Variants in MAD1L1 observed in about 807,000 individuals in gnomAD.
MAD1L1 encodes mitotic spindle assembly checkpoint protein MAD1.
MAD1L1 carries 95 observed loss-of-function variants against 96.9 expected under a neutral mutation model. The observed-to-expected ratio is 0.98, with a 90% CI of 0.83 to 1.16. MAD1L1 has a LOEUF of 1.16. MAD1L1 is among the 50% of genes most tolerant of loss of function. The pLI, the probability that MAD1L1 is intolerant of heterozygous loss-of-function variation, is 0.00. For missense variants in MAD1L1, 1,007 were observed against 954.4 expected (o/e 1.06, Z -0.73); for synonymous variants, 473 against 396.6 (o/e 1.19, Z -2.29).
At chr7:2,042,915 C>A (rs1783755093) in intron 12 of MAD1L1, among the ~76,000 whole-genome samples, 2 of 151,288 alleles carry the variant, frequency 1.3e-5, no homozygotes, top group African/African-American at 2.4e-5. Context: ...ACATCCACGT[C>A]CACGTCCACA....
At chr7:1,971,320 A>AGC (rs1780395848) in intron 15 of MAD1L1, among the ~76,000 whole-genome samples, 1 of 152,232 alleles carries the variant, frequency 6.6e-6, no homozygotes, top group African/African-American at 2.4e-5. Flanking sequence ...TACAGGCTAC[A>AGC]GTTGGTCTTT....
intron 12 of MAD1L1, among the ~76,000 whole-genome samples, chr7:2,062,205 G>A (rs1486219450): frequency 6.8e-6 from 1 of 147,102 alleles, no homozygotes; most frequent in Non-Finnish European, 1.5e-5. Context: ...TCGCGCCACT[G>A]CACTCCAGCC....
At chr7:1,872,966 C>T (rs558188390) in intron 18 of MAD1L1, among the ~76,000 whole-genome samples, 7 of 152,284 alleles carry the variant, frequency 4.6e-5, no homozygotes, top group Admixed American at 1.3e-4. Flanking sequence ...GAGAGATGGC[C>T]GTGATCTTTA....
rs1786906111 is a variant in MAD1L1 at position 2,103,208 on chromosome 7, G to T, written c.1074-33870C>A. On this transcript the variant is annotated intron_variant, in intron 11 of 18. Coordinates refer to ENST00000265854, the MANE Select transcript of MAD1L1 (RefSeq NM_001013836.2). This position sits in a 1 kb window ranked among gnomAD's most constrained non-coding sequence, Gnocchi z 4.3. ...AGCTCCGACCACGCTTCAGCTCTCA[G>T]CCCACATGGTGTGTCCAGAGGGAGG... is the stretch of plus-strand genomic sequence containing the variant. Among the ~76,000 whole-genome samples, 1 of 152,126 alleles carries T rather than the reference G, an allele frequency of 6.6e-6. No homozygotes were observed. Among genetic ancestry groups the T allele is most frequent in the Non-Finnish European group, 1.5e-5 (1 of 68,022 alleles).
At position 1,820,950 on chromosome 7, in the gene MAD1L1, G is replaced by A. The variant is rs1450124824; in HGVS notation, c.1999-4722C>T. Among the ~76,000 whole-genome samples the A allele has an allele frequency of 2.2e-4, 34 of 151,668 alleles. 2 individuals carry two copies. Among genetic ancestry groups the A allele is most frequent in the African/African-American group, 1.2e-4 (5 of 41,308 alleles). ...CAAAAAATTAGCCGGGTGTGGTGGC[G>A]GGTGCCTGTAGTCCCAGCTCCTTGG... On this transcript the variant is annotated intron_variant, in intron 18 of 18. Coordinates refer to ENST00000265854, the MANE Select transcript of MAD1L1 (RefSeq NM_001013836.2).
At chr7:2,008,371 A>G (rs1363235306) in intron 13 of MAD1L1, among the ~76,000 whole-genome samples, 1 of 152,186 alleles carries the variant, frequency 6.6e-6, no homozygotes, top group East Asian at 1.9e-4. Context: ...GCACTTTAGC[A>G]CTGACTGTGG....
intron 18 of MAD1L1, among the ~76,000 whole-genome samples, chr7:1,837,408 A>C (rs978691852): frequency 1.3e-5 from 2 of 152,182 alleles, no homozygotes; most frequent in African/African-American, 4.8e-5. Context: ...ACTTCTTGTA[A>C]AGTTAGGCGT....
chr7:2,028,459 CAT>C (rs1783079840), intron 12 of MAD1L1, among the ~76,000 whole-genome samples: 1 of 150,366 alleles, frequency 6.7e-6, no homozygotes, highest in African/African-American at 2.5e-5. Flanking sequence ...GACCTAAACA[CAT>C]GTTAGCATAT....
intron 10 of MAD1L1, among the ~76,000 whole-genome samples, chr7:2,197,522 G>A (rs1399333959): frequency 6.6e-6 from 1 of 152,156 alleles, no homozygotes; most frequent in African/African-American, 2.4e-5. Context: ...CACACGACGT[G>A]CACTGCACAG....
Position 2,202,548 on chromosome 7 carries a change from G to A in MAD1L1, c.986+10664C>T, listed in dbSNP as rs112509350. Among the ~76,000 whole-genome samples, 81 of 152,352 alleles carry A rather than the reference G, an allele frequency of 5.3e-4. 1 individual carries two copies. The highest frequency in any genetic ancestry group is 6.2e-4 in the South Asian group (3 of 4,828). On this transcript the variant is annotated intron_variant, in intron 10 of 18. Transcript: ENST00000265854. ...AAAGGGGAAACGTGGCCCAGACCAC[G>A]AGGCATCCGGCATGCAGGCCCAGAA... is the stretch of plus-strand genomic sequence containing the variant.
chr7:2,125,069 C>T lies in MAD1L1; in HGVS notation c.1073+24083G>A, dbSNP rs1314325676. On this transcript the variant is annotated intron_variant, in intron 11 of 18. Coordinates refer to ENST00000265854, the MANE Select transcript of MAD1L1 (RefSeq NM_001013836.2). ...TCCCGGCCCACACTAAGGATCCGGT[C>T]CTCACAGCGACCCCAGGAAGTCCCT... Among the ~76,000 whole-genome samples the T allele has an allele frequency of 6.6e-5, 10 of 152,320 alleles. No individual in the cohort carries two copies. The South Asian group carries it at 8.3e-4, about 13-fold the overall frequency.
At chr7:2,207,545 T>G (rs1306665005) in intron 10 of MAD1L1, among the ~76,000 whole-genome samples, 1 of 152,218 alleles carries the variant, frequency 6.6e-6, no homozygotes, top group Non-Finnish European at 1.5e-5. Context: ...GGTTCAGAGC[T>G]GCACACACAG....
intron 12 of MAD1L1, among the ~76,000 whole-genome samples, chr7:2,017,770 T>C (rs1584094320): frequency 6.6e-6 from 1 of 152,152 alleles, no homozygotes; most frequent in Non-Finnish European, 1.5e-5. Flanking sequence ...AGCATGCCGA[T>C]GATTCCCACG....
At chr7:2,030,983 C>T (rs73281345) in intron 12 of MAD1L1, among the ~76,000 whole-genome samples, 11,540 of 152,240 alleles carry the variant, frequency 0.076, 1,414 homozygotes, top group African/African-American at 0.26. Context: ...CCAATAAACC[C>T]GGTTTACTGT....
At chr7:2,156,673 T>C (rs1789865572) in intron 10 of MAD1L1, among the ~76,000 whole-genome samples, 1 of 151,730 alleles carries the variant, frequency 6.6e-6, no homozygotes, top group African/African-American at 2.4e-5. Flanking sequence ...TACAAAAAAT[T>C]AGCCGGGTGC....
intron 11 of MAD1L1, among the ~76,000 whole-genome samples, chr7:2,123,523 T>C (rs1788081065): frequency 6.6e-6 from 1 of 151,966 alleles, no homozygotes; most frequent in Non-Finnish European, 1.5e-5. Context: ...ACGGTAGGGT[T>C]TCCTTCCCTG....
chr7:2,196,664 A>G (rs1260996140), intron 10 of MAD1L1, among the ~76,000 whole-genome samples: 1 of 152,246 alleles, frequency 6.6e-6, no homozygotes, highest in Non-Finnish European at 1.5e-5. Flanking sequence ...AGTGCTACCC[A>G]CAGACACTGT....
chr7:2,200,690 A>C (rs954321449), intron 10 of MAD1L1: 2 of 152,136 alleles, frequency 1.3e-5, no homozygotes, highest in Non-Finnish European at 2.9e-5. Context: ...CTGTGAACGC[A>C]AGCCCGCTCT....
intron 12 of MAD1L1, among the ~76,000 whole-genome samples, 174 bp from the exon 13 acceptor site, chr7:2,014,816 A>C (rs1324734503): frequency 6.6e-6 from 1 of 152,174 alleles, no homozygotes; most frequent in Non-Finnish European, 1.5e-5. Context: ...AGGGCCCCAG[A>C]GTTCAGCATC....
Sources: allele counts gnomAD v4.1 joint callset (sites outside exome capture counted in the v4.1 genomes callset), GRCh38; gene constraint gnomAD v4.1.1; non-coding constraint Gnocchi (gnomAD v3.1); transcripts MANE v1.5; gene names NCBI Gene and HGNC (gene_info 2026-07-23, HGNC 2026-07-21).